Variants in PPM1H observed in about 807,000 individuals in gnomAD.
PPM1H encodes the protein protein phosphatase, Mg2+/Mn2+ dependent 1H, also known as protein phosphatase 1H.
Under a neutral mutation model 54.9 loss-of-function variants are expected in PPM1H, and 27 were observed. The observed-to-expected ratio is 0.49, with a 90% CI of 0.36 to 0.68. The LOEUF (loss-of-function observed/expected upper bound fraction) is 0.68, where lower values mean the gene tolerates loss of function less well. Ranked by LOEUF, PPM1H falls within the 30% of genes least tolerant of loss-of-function variation. The probability of loss-of-function intolerance (pLI) is 0.00; values close to 1 mark genes in which losing one functional copy is unlikely to be tolerated. For missense variants in PPM1H, 596 were observed against 667.8 expected (o/e 0.89, Z 1.19); for synonymous variants, 305 against 270.8 (o/e 1.13, Z -1.24).
In PPM1H at chr12:62,935,050, C is replaced by A; in HGVS notation, c.-314G>T. On this transcript the variant is annotated 5_prime_UTR_variant, in exon 1 of 10. Transcript: ENST00000228705. ...CTGCAGCTGCAGCAGGTCCCTTCCC[C>A]GCCCCCTGCGCTCGGCTCCGGCGTG... 1 of 179,772 alleles carries A rather than the reference C, an allele frequency of 5.6e-6. No individual in the cohort carries two copies. Among genetic ancestry groups the A allele is most frequent in the Non-Finnish European group, 1.2e-5 (1 of 86,380 alleles). 11.1% of individuals were successfully genotyped at this position (179,772 alleles called of 1,614,324 possible). A position where few individuals can be genotyped will look rare whatever the true frequency, so the allele number is the denominator to read the frequency against.
chr12:62,930,051 G>T (rs1872086452), intron 1 of PPM1H, among the ~76,000 whole-genome samples: 1 of 152,132 alleles, frequency 6.6e-6, no homozygotes, highest in Non-Finnish European at 1.5e-5. Context: ...CGAGCTTTGG[G>T]GCAAGAAAGA....
intron 1 of PPM1H, among the ~76,000 whole-genome samples, chr12:62,860,293 C>T (rs950276315): frequency 3.3e-5 from 5 of 152,212 alleles, no homozygotes; most frequent in Admixed American, 2.6e-4. Context: ...ATTACCCTAC[C>T]GGGTCCCTCT....
At chr12:62,799,898 A>G (rs965727017) in intron 3 of PPM1H, among the ~76,000 whole-genome samples, 33 of 152,278 alleles carry the variant, frequency 2.2e-4, no homozygotes, top group African/African-American at 7.9e-4. Context: ...AGGTCACCAC[A>G]TTGACACTGA....
At chr12:62,787,119 T>C (rs2076676565) in intron 4 of PPM1H, among the ~76,000 whole-genome samples, 1 of 152,094 alleles carries the variant, frequency 6.6e-6, no homozygotes, top group African/African-American at 2.4e-5. Context: ...GTCTGCTTTG[T>C]AAATGGAAGT....
intron 1 of PPM1H, among the ~76,000 whole-genome samples, chr12:62,888,244 A>G (rs1364562488): frequency 1.3e-5 from 2 of 152,152 alleles, no homozygotes; most frequent in African/African-American, 4.8e-5. Context: ...GCTGAAATTT[A>G]TAAAATGGAG....
At chr12:62,724,527 C>T (rs1460068712) in intron 5 of PPM1H, among the ~76,000 whole-genome samples, 1 of 152,154 alleles carries the variant, frequency 6.6e-6, no homozygotes, top group Non-Finnish European at 1.5e-5. Context: ...CTGCAGGGGC[C>T]ACCTACCCTC....
intron 8 of PPM1H, among the ~76,000 whole-genome samples, chr12:62,682,307 G>C (rs561467347): frequency 4.6e-5 from 7 of 152,252 alleles, no homozygotes; most frequent in African/African-American, 1.7e-4. Context: ...TCCCATGTCA[G>C]TATGCACCAA....
At chr12:62,748,167 C>CGGGAGGCGGAGCTTGCA (rs1187041021) in intron 4 of PPM1H, among the ~76,000 whole-genome samples, 1 of 151,512 alleles carries the variant, frequency 6.6e-6, no homozygotes, top group African/African-American at 2.4e-5. Flanking sequence ...GGCGTGAACC[C>CGGGAGGCGGAGCTTGCA]GGGAGGCGGA....
rs191351729 is a variant in PPM1H, at chr12:62,741,368, C to T, written c.870-3782G>A. 1.5e-3 allele frequency among the ~76,000 whole-genome samples: 231 copies of T among 152,344 alleles called. 1 individual carries two copies. The highest frequency in any genetic ancestry group is 5.2e-3 in the African/African-American group (215 of 41,582). On this transcript the variant is annotated intron_variant, in intron 4 of 9. Coordinates refer to ENST00000228705, the MANE Select transcript of PPM1H (RefSeq NM_020700.2). ...GCTTCCTCAGCCCCTGTTCTGCCCT[C>T]CTCTGCCCCGTGCTTCATAGGGTCA...
Position 62,658,847 on chromosome 12 carries a change from CCCAAGATTGTCAAAAAAAGAA to C in PPM1H, c.1397+8310_1397+8330del, listed in dbSNP as rs556810013. On this transcript the variant is annotated intron_variant, in intron 9 of 9. Coordinates refer to ENST00000228705, the MANE Select transcript of PPM1H (RefSeq NM_020700.2). ...GGCCAACTTCAGACTCCTTGTGGAG[CCCAAGATTGTCAAAAAAAGAA>C]CCAAGAAGTTCATCCAGCACCAGTC... 3.2e-3 allele frequency: 1,819 copies of C among 577,340 alleles called. 5 individuals are homozygous for C. The highest frequency in any genetic ancestry group is 4.9e-3 in the Non-Finnish European group (1,497 of 306,236). 35.8% of individuals were successfully genotyped at this position (577,340 alleles called of 1,614,324 possible). A position where few individuals can be genotyped will look rare whatever the true frequency, so the allele number is the denominator to read the frequency against.
chr12:62,923,690 C>G (rs998178611), intron 1 of PPM1H, among the ~76,000 whole-genome samples: 1 of 152,224 alleles, frequency 6.6e-6, no homozygotes, highest in African/African-American at 2.4e-5. Flanking sequence ...GCATGAGCCA[C>G]TGAGCCTGGC....
chr12:62,898,744 T>A (rs1409700547), intron 1 of PPM1H, among the ~76,000 whole-genome samples: 2 of 152,176 alleles, frequency 1.3e-5, no homozygotes, highest in African/African-American at 4.8e-5. Context: ...CCAAACAACT[T>A]CCTGAAACAT....
intron 4 of PPM1H, among the ~76,000 whole-genome samples, chr12:62,780,648 C>A (rs2076636568): frequency 1.3e-5 from 2 of 152,178 alleles, no homozygotes; most frequent in African/African-American, 4.8e-5. Flanking sequence ...GATACTTTAC[C>A]TTTACTGTGG....
Position 62,912,883 on chromosome 12 carries a change from C to T in PPM1H, c.245+21609G>A, listed in dbSNP as rs539224126. ...AGCCTCAGCATTATCCAACTGCTTC[C>T]ACCTGGCACTGTCAAAAACCATTAG... On this transcript the variant is annotated intron_variant, in intron 1 of 9. Coordinates refer to ENST00000228705, the MANE Select transcript of PPM1H (RefSeq NM_020700.2). Among the ~76,000 whole-genome samples, 12 of 152,332 alleles carry T rather than the reference C, an allele frequency of 7.9e-5. No individual in the cohort carries two copies. In the South Asian group the frequency reaches 2.5e-3, roughly 32 times the overall value.
At chr12:62,653,413 A>ATTTAGTGAATT (rs2075826068) in intron 9 of PPM1H, among the ~76,000 whole-genome samples, 1 of 152,132 alleles carries the variant, frequency 6.6e-6, no homozygotes, top group African/African-American at 2.4e-5. Context: ...TTTACTATCC[A>ATTTAGTGAATT]TTTAGTGAAT....
intron 1 of PPM1H, among the ~76,000 whole-genome samples, chr12:62,878,810 C>T (rs1018402260): frequency 1.1e-4 from 16 of 152,064 alleles, no homozygotes; most frequent in Middle Eastern, 3.4e-3. Flanking sequence ...TGTGGTGACA[C>T]GCACCTGTAG....
intron 2 of PPM1H, among the ~76,000 whole-genome samples, chr12:62,820,441 C>G (rs1318014092): frequency 6.6e-6 from 1 of 152,234 alleles, no homozygotes; most frequent in Non-Finnish European, 1.5e-5. Context: ...AGACTGCCTC[C>G]TCAAGTGGGT....
At chr12:62,688,562 T>C (rs979798890) in intron 8 of PPM1H, among the ~76,000 whole-genome samples, 3 of 152,238 alleles carry the variant, frequency 2.0e-5, no homozygotes, top group Admixed American at 6.5e-5. Context: ...TCGATACTGT[T>C]TCCTATATGG....
At chr12:62,857,683 G>A (rs1358678700) in intron 1 of PPM1H, among the ~76,000 whole-genome samples, 2 of 152,088 alleles carry the variant, frequency 1.3e-5, no homozygotes, top group Non-Finnish European at 2.9e-5. Flanking sequence ...CCTTCATGCT[G>A]AAGCTCAAAT....
Sources: allele counts gnomAD v4.1 joint callset (sites outside exome capture counted in the v4.1 genomes callset), GRCh38; gene constraint gnomAD v4.1.1; transcripts MANE v1.5; gene names NCBI Gene and HGNC (gene_info 2026-07-23, HGNC 2026-07-21).